The following NSD3 variants were observed in gnomAD, a reference collection of about 807,000 sequenced individuals.
NSD3 encodes nuclear receptor binding SET domain protein 3.
Under a neutral mutation model 160.8 loss-of-function variants are expected in NSD3, and 24 were observed. The ratio of observed to expected loss-of-function variants is 0.15; its 90% CI spans 0.11 to 0.21. NSD3 has a LOEUF of 0.21. Ranked by LOEUF, NSD3 falls within the 10% of genes least tolerant of loss-of-function variation. The pLI, the probability that NSD3 is intolerant of heterozygous loss-of-function variation, is 1.00. For synonymous variants in NSD3, 520 were observed against 600.0 expected, an observed-to-expected ratio of 0.87 and a Z score of 1.95; for missense variants, 1,157 against 1,735.9, an observed-to-expected ratio of 0.67 and a Z score of 5.93.
intron 1 of NSD3, among the ~76,000 whole-genome samples, chr8:38,378,902 CAGCAT>C (rs1327927114): frequency 6.6e-6 from 1 of 151,852 alleles, no homozygotes; most frequent in East Asian, 1.9e-4. Flanking sequence ...GTGAGACACT[CAGCAT>C]AGCACAGTGT....
At position 38,295,845 on chromosome 8, in the gene NSD3, T is replaced by C. The variant is rs1809122964; in HGVS notation, c.2866A>G (p.Lys956Glu). 6.2e-7 allele frequency: 1 copy of C among 1,613,900 alleles called. No individual in the cohort carries two copies. The highest frequency in any genetic ancestry group is 8.5e-7 in the Non-Finnish European group (1 of 1,179,946). The change falls in exon 16 of 24, where the codon AAG becomes GAG. Residue 956 changes from lysine to glutamate, a missense_variant. Around this residue, in one of 10 missense-constraint regions of NSD3, gnomAD observed 437 missense variants for 576.6 expected, o/e 0.76. Transcript: ENST00000317025. ...CWNCNDCKAG[K>E]KLHYKQIVWV... is the part of the protein sequence containing the mutation. ...ACAATCTGCTTGTAATGTAGTTTCT[T>C]GCCAGCTTTACAGTCATTACAATTC...
chr8:38,307,798 C>A (rs775495033), intron 12 of NSD3, among the ~76,000 whole-genome samples: 1 of 151,982 alleles, frequency 6.6e-6, no homozygotes. Context: ...GACTGATGAT[C>A]GAGGGTAACA....
chr8:38,348,026 T>C lies in NSD3; in HGVS notation c.146A>G (p.Tyr49Cys), dbSNP rs751466027. The C allele has an allele frequency of 1.2e-5, 19 of 1,614,220 alleles. No homozygotes were observed. The highest frequency in any genetic ancestry group is 1.4e-5 in the Non-Finnish European group (17 of 1,180,032). The change falls in exon 2 of 24, where the codon TAT becomes TGT. Residue 49 changes from tyrosine to cysteine, a missense_variant. Around this residue, in one of 10 missense-constraint regions of NSD3, gnomAD observed 121 missense variants for 177.2 expected, o/e 0.68. Transcript: ENST00000317025. ...AAAGCCTTGCTGCAAAGTAGCTTCA[T>C]ATGGTGTCTGGCCACCATCTTCAGC... is the stretch of plus-strand genomic sequence containing the variant. ...DIAEDGGQTPYEATLQQGFQY... is the reference protein window; with the variant it reads ...DIAEDGGQTPCEATLQQGFQY...
In NSD3 at chr8:38,273,787, T is replaced by G. The variant is rs1437423796; in HGVS notation, c.*1854A>C. 7.9e-5 allele frequency: 12 copies of G among 152,216 alleles called. No homozygotes were observed. The highest frequency in any genetic ancestry group is 3.9e-4 in the Admixed American group (6 of 15,278). The allele number at this position is 152,216 out of a possible 1,614,324, so 9.4% of individuals were successfully genotyped here. On this transcript the variant is annotated 3_prime_UTR_variant, in exon 24 of 24. Coordinates refer to ENST00000317025, the MANE Select transcript of NSD3 (RefSeq NM_023034.2). ...ATGGATCGCATTTTCCATTTTGCTC[T>G]TTCTTTTGGGACCATATCTAATCAA...
intron 1 of NSD3, among the ~76,000 whole-genome samples, chr8:38,373,038 G>A (rs1285904803): frequency 3.6e-5 from 5 of 140,606 alleles, no homozygotes; most frequent in African/African-American, 5.3e-5. Flanking sequence ...GCAACACAGC[G>A]AGACTCCTCT....
chr8:38,304,869 G>A (rs910945504), intron 13 of NSD3, 112 bp from the exon 14 acceptor site: 11 of 1,159,466 alleles, frequency 9.5e-6, no homozygotes, highest in African/African-American at 3.1e-5. Flanking sequence ...TACAGTAGAT[G>A]GAAAGCATTT....
chr8:38,331,128 G>A (rs928794448), intron 5 of NSD3, among the ~76,000 whole-genome samples: 4 of 151,948 alleles, frequency 2.6e-5, no homozygotes, highest in African/African-American at 9.7e-5. Context: ...AAAAATCCCT[G>A]GCAAAAATCC....
chr8:38,305,196 T>A, intron 13 of NSD3, 52 bp downstream of exon 13: 1 of 1,571,102 alleles, frequency 6.4e-7, no homozygotes, highest in Non-Finnish European at 8.7e-7. Context: ...ATAATGTTAT[T>A]TGCCACTGCC....
chr8:38,315,431 C>T lies in NSD3; in HGVS notation c.2100G>A (p.Lys700=), dbSNP rs1809633664. The T allele has an allele frequency of 6.3e-7, 1 of 1,592,582 alleles. No individual in the cohort carries two copies. Among genetic ancestry groups the T allele is most frequent in the Non-Finnish European group, 8.5e-7 (1 of 1,173,622 alleles). The change falls in exon 11 of 24, where the codon AAG becomes AAA. Residue 700 remains lysine (K), a synonymous_variant. Transcript: ENST00000317025. ...LSRRGTGMSK[K]DTVCQICESS... is the part of the protein sequence containing the mutation. ...ACCTGCCTACCTGACATACAGTGTC[C>T]TTCTTACTCATTCCAGTGCCTCTTC... is the stretch of plus-strand genomic sequence containing the variant.
At position 38,304,721 on chromosome 8, in the gene NSD3, T is replaced by C. The variant is rs759869860; in HGVS notation, c.2477A>G (p.Tyr826Cys). 26 of 1,613,352 alleles carry C rather than the reference T, an allele frequency of 1.6e-5. No homozygotes were observed. Among genetic ancestry groups the C allele is most frequent in the East Asian group, 2.2e-5 (1 of 44,880 alleles). Residue 826 changes from tyrosine (Y) to cysteine (C), a missense_variant, in exon 14 of 24, where the codon TAT becomes TGT. Transcript: ENST00000317025. ...MMRCLRCPVA[Y>C]HSGDACIAAG... ...CGCAATGCAAGCATCTCCAGAGTGA[T>C]AGGCAACTGGACATCTTAAACATCT... is the stretch of plus-strand genomic sequence containing the variant.
intron 2 of NSD3, among the ~76,000 whole-genome samples, chr8:38,342,207 G>C (rs1213008004): frequency 6.6e-6 from 1 of 152,168 alleles, no homozygotes; most frequent in Admixed American, 6.5e-5. Flanking sequence ...ATTCAAGTAA[G>C]GATGCTGCAA....
rs1377614736 is a variant in NSD3 at position 38,346,557 on chromosome 8, AT to A, written c.675+939del. ...TTGCCTAGCACACAGTAGGAGGAGC[AT>A]TTCACCAACATTTGTTAATGAATAA... On this transcript the variant is annotated intron_variant, in intron 2 of 23. Coordinates refer to ENST00000317025, the MANE Select transcript of NSD3 (RefSeq NM_023034.2). 7.3e-4 allele frequency among the ~76,000 whole-genome samples: 111 copies of A among 151,898 alleles called. 1 individual carries two copies. Among genetic ancestry groups the A allele is most frequent in the Non-Finnish European group, 1.3e-4 (9 of 67,922 alleles).
intron 2 of NSD3, among the ~76,000 whole-genome samples, chr8:38,341,256 T>C (rs1416480026): frequency 2.0e-5 from 3 of 151,782 alleles, no homozygotes; most frequent in African/African-American, 7.3e-5. Flanking sequence ...TAAATTACAA[T>C]CTGCCAGGCA....
At chr8:38,340,345 GT>G (rs1810331316) in intron 2 of NSD3, among the ~76,000 whole-genome samples, 2 of 152,066 alleles carry the variant, frequency 1.3e-5, no homozygotes, top group East Asian at 1.9e-4. Context: ...AAAGGTTTTT[GT>G]TTTTTTGAGA....
intron 15 of NSD3, among the ~76,000 whole-genome samples, chr8:38,297,643 A>G (rs1346760954): frequency 1.3e-5 from 2 of 152,170 alleles, no homozygotes; most frequent in Non-Finnish European, 2.9e-5. Context: ...GATGAATTAA[A>G]TCACTGTATT....
chr8:38,346,396 T>G (rs1304347202), intron 2 of NSD3, among the ~76,000 whole-genome samples: 2 of 147,752 alleles, frequency 1.4e-5, no homozygotes, highest in Non-Finnish European at 1.5e-5. Context: ...TAAATATATA[T>G]TGTATATATG....
At chr8:38,340,158 G>A (rs1563361025) in intron 2 of NSD3, among the ~76,000 whole-genome samples, 1 of 151,776 alleles carries the variant, frequency 6.6e-6, no homozygotes, top group Non-Finnish European at 1.5e-5. Context: ...ACTTGTTAGA[G>A]AACAGAATTT....
chr8:38,300,595 A>G (rs913675703), intron 14 of NSD3, among the ~76,000 whole-genome samples: 1 of 152,200 alleles, frequency 6.6e-6, no homozygotes, highest in African/African-American at 2.4e-5. Flanking sequence ...AATCTTTTTG[A>G]TCTACCAATT....
At chr8:38,289,544 A>T in intron 17 of NSD3, 39 bp from the exon 18 acceptor site, 1 of 1,576,810 alleles carries the variant, frequency 6.3e-7, no homozygotes, top group Non-Finnish European at 8.6e-7. Context: ...AATACCAAAA[A>T]CCAAAGGAAA....
Sources: allele counts gnomAD v4.1 joint callset (sites outside exome capture counted in the v4.1 genomes callset), GRCh38; gene constraint gnomAD v4.1.1; regional missense constraint gnomAD v4.1.1; transcripts MANE v1.5; gene names NCBI Gene and HGNC (gene_info 2026-07-23, HGNC 2026-07-21).